The following MET variants were observed in gnomAD, a reference collection of about 807,000 sequenced individuals.
MET encodes hepatocyte growth factor receptor.
MET carries 48 observed loss-of-function variants against 133.1 expected under a neutral mutation model. The ratio of observed to expected loss-of-function variants is 0.36; its 90% CI spans 0.29 to 0.46. MET has a LOEUF of 0.46. Among genes scored for constraint, MET ranks in the 20% least tolerant of loss-of-function variants. The probability of loss-of-function intolerance (pLI) is 1.00; values close to 1 mark genes in which losing one functional copy is unlikely to be tolerated. For missense variants in MET, 1,442 were observed against 1,695.9 expected (o/e 0.85, Z 2.63); for synonymous variants, 628 against 616.5 (o/e 1.02, Z -0.28).
intron 5 of MET, among the ~76,000 whole-genome samples, chr7:116,746,183 T>G (rs1274675873): frequency 1.3e-5 from 2 of 152,250 alleles, no homozygotes; most frequent in Non-Finnish European, 2.9e-5. Flanking sequence ...GAAAAAATGC[T>G]CATTATCACT....
At chr7:116,780,945 C>T (rs534314962) in intron 17 of MET, among the ~76,000 whole-genome samples, 1 of 152,338 alleles carries the variant, frequency 6.6e-6, no homozygotes, top group East Asian at 1.9e-4. Context: ...GGAACTGTCC[C>T]TCCCAAGGCT....
At chr7:116,713,285 C>T (rs1792068369) in intron 2 of MET, among the ~76,000 whole-genome samples, 2 of 151,344 alleles carry the variant, frequency 1.3e-5, no homozygotes, top group South Asian at 2.1e-4. Flanking sequence ...GTCCCAGCTA[C>T]TTGGGAGGCT....
intron 11 of MET, among the ~76,000 whole-genome samples, chr7:116,769,348 T>C (rs1794752853): frequency 6.6e-6 from 1 of 152,200 alleles, no homozygotes; most frequent in African/African-American, 2.4e-5. Context: ...GGTGAGGTGA[T>C]GATAGGTAAG....
At chr7:116,730,862 G>A (rs1792976771) in intron 2 of MET, among the ~76,000 whole-genome samples, 1 of 152,138 alleles carries the variant, frequency 6.6e-6, no homozygotes, top group Admixed American at 6.5e-5. Context: ...CTTGAGTGAT[G>A]TTATCTACAA....
chr7:116,759,201 A>G (rs893997368), intron 9 of MET, 190 bp from the exon 10 acceptor site: 35 of 739,460 alleles, frequency 4.7e-5, no homozygotes, highest in Non-Finnish European at 7.3e-5. Context: ...AGCTTATGAA[A>G]TATGCATTTT....
intron 11 of MET, among the ~76,000 whole-genome samples, chr7:116,768,747 A>G (rs975079734): frequency 6.6e-6 from 1 of 152,202 alleles, no homozygotes; most frequent in Non-Finnish European, 1.5e-5. Flanking sequence ...ATGCTTTGAT[A>G]TATGTCACCT....
intron 2 of MET, among the ~76,000 whole-genome samples, chr7:116,704,687 G>C (rs1791719898): frequency 6.6e-6 from 1 of 152,042 alleles, no homozygotes; most frequent in Admixed American, 6.6e-5. Flanking sequence ...GGTAGTTTGA[G>C]GGGGCAGAGG....
At chr7:116,677,004 T>G (rs1293352539) in intron 1 of MET, among the ~76,000 whole-genome samples, 1 of 149,928 alleles carries the variant, frequency 6.7e-6, no homozygotes, top group Non-Finnish European at 1.5e-5. Context: ...TTTTTTGTTT[T>G]TTTGTTTTGT....
At chr7:116,751,814 CA>C (rs1307757992) in intron 5 of MET, among the ~76,000 whole-genome samples, 1 of 152,110 alleles carries the variant, frequency 6.6e-6, no homozygotes, top group Admixed American at 6.5e-5. Context: ...GTAATCCCAG[CA>C]CTTTGGGAGG....
intron 2 of MET, among the ~76,000 whole-genome samples, chr7:116,723,762 C>T (rs1792604737): frequency 1.3e-5 from 2 of 152,120 alleles, no homozygotes; most frequent in Non-Finnish European, 2.9e-5. Flanking sequence ...TCAGTGTGCC[C>T]CTGCTGGGGG....
chr7:116,759,592 T>G (rs1424109025), intron 10 of MET, 102 bp downstream of exon 10: 15 of 1,342,746 alleles, frequency 1.1e-5, no homozygotes, highest in Non-Finnish European at 1.0e-6. Context: ...CCTTTAAGGT[T>G]TGCTAGTTAA....
chr7:116,769,880 A>G lies in MET; in HGVS notation c.2730+89A>G, dbSNP rs770811693. 2.5e-6 allele frequency: 4 copies of G among 1,576,586 alleles called. No individual in the cohort carries two copies. The South Asian group carries it at 4.5e-5, about 18-fold the overall frequency. On this transcript the variant is annotated intron_variant, in intron 12 of 20. Transcript: ENST00000397752. Reference sequence around the variant, plus strand: ...GGCTTAAAATAAATCATTAAAGCTCATTTATGTGTGGGTTTTGGCTCATCA... The same window carrying G: ...GGCTTAAAATAAATCATTAAAGCTCGTTTATGTGTGGGTTTTGGCTCATCA...
At chr7:116,672,627 G>T in intron 1 of MET, 50 bp downstream of exon 1, 1 of 374,440 alleles carries the variant, frequency 2.7e-6, no homozygotes, top group Non-Finnish European at 4.8e-6. Flanking sequence ...TCGCCTCAGG[G>T]GTTCTGCTTT....
chr7:116,708,935 T>C (rs1427715778), intron 2 of MET, among the ~76,000 whole-genome samples: 2 of 152,170 alleles, frequency 1.3e-5, no homozygotes, highest in African/African-American at 4.8e-5. Flanking sequence ...TAAACATTAA[T>C]AGAATTCAAG....
intron 1 of MET, among the ~76,000 whole-genome samples, chr7:116,676,504 G>A (rs924019460): frequency 1.3e-5 from 2 of 152,128 alleles, no homozygotes; most frequent in Non-Finnish European, 2.9e-5. Flanking sequence ...ATGACACTCT[G>A]TTCTATTGAG....
intron 5 of MET, among the ~76,000 whole-genome samples, chr7:116,754,945 AAG>A (rs1256344522): frequency 1.4e-5 from 2 of 140,326 alleles, no homozygotes; most frequent in African/African-American, 5.2e-5. Flanking sequence ...GAAAGAAAGA[AAG>A]AAAGAGAAAG....
rs1450906177 is a variant in MET at position 116,699,804 on chromosome 7, G to A, written c.720G>A (p.Glu240=). ...AGTCCTACATTGATGTTTTACCTGAGTTCAGAGATTCTTACCCCATTAAGT... is the reference window on the plus strand; with the variant it reads ...AGTCCTACATTGATGTTTTACCTGAATTCAGAGATTCTTACCCCATTAAGT... ...TDQSYIDVLP[E]FRDSYPIKYV... Residue 240 remains glutamate, a synonymous_variant, in exon 2 of 21, where the codon GAG becomes GAA. Coordinates refer to ENST00000397752, the MANE Select transcript of MET (RefSeq NM_000245.4). The A allele has an allele frequency of 2.5e-6, 4 of 1,613,956 alleles. No homozygotes were observed. In the African/African-American group the frequency reaches 4.0e-5, roughly 16 times the overall value.
chr7:116,700,131 C>T lies in MET; in HGVS notation c.1047C>T (p.Ser349=), dbSNP rs2116604211. ...TTCTTTTCGGGGTGTTCGCACAAAG[C>T]AAGCCAGATTCTGCCGAACCAATGG... ...DDILFGVFAQ[S]KPDSAEPMDR... is the part of the protein sequence containing the mutation. The change falls in exon 2 of 21, where the codon AGC becomes AGT. Residue 349 remains serine (S), a synonymous_variant. Coordinates refer to ENST00000397752, the MANE Select transcript of MET (RefSeq NM_000245.4). 6.2e-7 allele frequency: 1 copy of T among 1,601,982 alleles called. No homozygotes were observed. The highest frequency in any genetic ancestry group is 1.1e-5 in the South Asian group (1 of 88,618).
Position 116,678,434 on chromosome 7 carries a change from T to G in MET, c.-15+5857T>G, listed in dbSNP as rs1425631297. ...TCAGGTCCAATTTGAAAATGTATGT[T>G]TTTTTTTAAAAAAGAATGACTTGGG... On this transcript the variant is annotated intron_variant, in intron 1 of 20. Transcript: ENST00000397752. 1.1e-4 allele frequency among the ~76,000 whole-genome samples: 3 copies of G among 27,792 alleles called. No individual in the cohort carries two copies. The African/African-American group carries it at 2.3e-3, about 21-fold the overall frequency. 18.2% of individuals were successfully genotyped at this position (27,792 alleles called of 152,430 possible).
Sources: allele counts gnomAD v4.1 joint callset (sites outside exome capture counted in the v4.1 genomes callset), GRCh38; gene constraint gnomAD v4.1.1; transcripts MANE v1.5; gene names NCBI Gene and HGNC (gene_info 2026-07-23, HGNC 2026-07-21).